Variants in DTD1 observed in about 807,000 individuals in gnomAD.
The protein encoded by DTD1 is D-aminoacyl-tRNA deacylase 1.
Under a neutral mutation model 25.6 loss-of-function variants are expected in DTD1, and 13 were observed. That is an observed-to-expected ratio of 0.51 (90% confidence interval 0.33 to 0.81). The LOEUF is 0.81. Ranked by LOEUF, DTD1 falls within the 30% of genes least tolerant of loss-of-function variation. DTD1 has a pLI of 0.02. For missense variants in DTD1, 193 were observed against 266.4 expected (o/e 0.72, Z 1.92); for synonymous variants, 110 against 103.6 (o/e 1.06, Z -0.37).
At chr20:18,657,294 C>G (rs1455255313) in intron 4 of DTD1, among the ~76,000 whole-genome samples, 1 of 152,022 alleles carries the variant, frequency 6.6e-6, no homozygotes, top group Non-Finnish European at 1.5e-5. Context: ...TCATGCATTA[C>G]TATTTTTGCA....
At chr20:18,704,343 G>A (rs2061117559) in intron 4 of DTD1, among the ~76,000 whole-genome samples, 1 of 152,172 alleles carries the variant, frequency 6.6e-6, no homozygotes, top group South Asian at 2.1e-4. Flanking sequence ...TCTCCAGTGA[G>A]CCTCCTGAGC....
intron 1 of DTD1, chr20:18,588,698 C>T: frequency 2.0e-6 from 2 of 985,124 alleles, no homozygotes; most frequent in Non-Finnish European, 2.4e-6. Flanking sequence ...GGACGCCCCT[C>T]GCCCTCGCCC....
At chr20:18,647,084 A>G (rs1407211156) in intron 4 of DTD1, among the ~76,000 whole-genome samples, 2 of 152,260 alleles carry the variant, frequency 1.3e-5, no homozygotes, top group South Asian at 2.1e-4. Context: ...TCAAAGGCCA[A>G]GTATTTCAGA....
chr20:18,752,971 T>C (rs2061326201), intron 5 of DTD1, among the ~76,000 whole-genome samples: 1 of 152,144 alleles, frequency 6.6e-6, no homozygotes, highest in Non-Finnish European at 1.5e-5. Context: ...ACCTTATTTA[T>C]TAGAAAATAA....
At chr20:18,649,326 C>CTTTTTTTTTT (rs55766733) in intron 4 of DTD1, among the ~76,000 whole-genome samples, 1,070 of 57,654 alleles carry the variant, frequency 0.019, 282 homozygotes, top group East Asian at 0.047. Context: ...ATTCATCTTT[C>CTTTTTTTTTT]TTTTTTTTTT....
intron 3 of DTD1, 39 bp downstream of exon 3, chr20:18,596,280 A>G: frequency 1.3e-6 from 2 of 1,554,870 alleles, no homozygotes; most frequent in Non-Finnish European, 1.8e-6. Context: ...GGTCTTTGGG[A>G]CACTCCTGGA....
intron 3 of DTD1, among the ~76,000 whole-genome samples, chr20:18,610,094 G>A (rs1194502833): frequency 6.6e-6 from 1 of 152,268 alleles, no homozygotes; most frequent in East Asian, 1.9e-4. Flanking sequence ...TTGAAACATA[G>A]ATGAAAGTAA....
At chr20:18,735,015 G>A (rs1345037208) in intron 4 of DTD1, among the ~76,000 whole-genome samples, 1 of 152,206 alleles carries the variant, frequency 6.6e-6, no homozygotes, top group Non-Finnish European at 1.5e-5. Context: ...AGAATGCTGA[G>A]TAATCCACCT....
intron 4 of DTD1, chr20:18,678,697 C>T (rs1400397129): frequency 6.6e-6 from 1 of 152,182 alleles, no homozygotes; most frequent in Non-Finnish European, 1.5e-5. Context: ...CTTTTTGGTT[C>T]CGCATTTGTT....
chr20:18,647,584 G>C (rs1600342043), intron 4 of DTD1, among the ~76,000 whole-genome samples: 1 of 152,182 alleles, frequency 6.6e-6, no homozygotes, highest in African/African-American at 2.4e-5. Context: ...CGAGCATGGA[G>C]GCTTGAACCT....
chr20:18,762,412 C>T (rs2061366603), intron 5 of DTD1, among the ~76,000 whole-genome samples: 1 of 152,108 alleles, frequency 6.6e-6, no homozygotes, highest in African/African-American at 2.4e-5. Flanking sequence ...AAAAGGAAAC[C>T]CTGAGACACT....
intron 4 of DTD1, among the ~76,000 whole-genome samples, chr20:18,685,761 C>T (rs1337738129): frequency 1.3e-5 from 2 of 152,206 alleles, no homozygotes; most frequent in Admixed American, 1.3e-4. Context: ...TTTGATGTGA[C>T]ATCCCAAATG....
chr20:18,646,954 C>A (rs1318308641), intron 4 of DTD1, among the ~76,000 whole-genome samples: 3 of 152,182 alleles, frequency 2.0e-5, no homozygotes, highest in Non-Finnish European at 4.4e-5. Context: ...CCCTGACCTT[C>A]TGAGATGAAC....
intron 5 of DTD1, among the ~76,000 whole-genome samples, chr20:18,759,456 C>G (rs1196546564): frequency 6.6e-6 from 1 of 152,164 alleles, no homozygotes. Context: ...TCAGCATTTG[C>G]TTGTCTGTAA....
At chr20:18,726,730 C>T (rs1310517003) in intron 4 of DTD1, among the ~76,000 whole-genome samples, 1 of 152,182 alleles carries the variant, frequency 6.6e-6, no homozygotes, top group East Asian at 1.9e-4. Context: ...CTCTTCCTCC[C>T]CTTGCCCCCT....
At position 18,614,002 on chromosome 20, in the gene DTD1, C is replaced by A. The variant is rs190517743; in HGVS notation, c.371-14125C>A. Among the ~76,000 whole-genome samples, 71 of 152,290 alleles carry A rather than the reference C, an allele frequency of 4.7e-4. 1 individual carries two copies. Among genetic ancestry groups the A allele is most frequent in the Admixed American group, 1.9e-3 (29 of 15,302 alleles). Reference sequence around the variant, plus strand: ...AAGTGTAAAAGATTGGAGACAGTTTCGCCATGTTGCCCAGGCTGGTCTCAA... The same window carrying A: ...AAGTGTAAAAGATTGGAGACAGTTTAGCCATGTTGCCCAGGCTGGTCTCAA... On this transcript the variant is annotated intron_variant, in intron 3 of 5. Transcript: ENST00000377452.
At chr20:18,655,945 G>GT (rs565190433) in intron 4 of DTD1, among the ~76,000 whole-genome samples, 176 of 151,800 alleles carry the variant, frequency 1.2e-3, no homozygotes, top group Middle Eastern at 3.4e-3. Flanking sequence ...AATTTTTTAT[G>GT]TTTTTAGTAG....
At chr20:18,741,367 A>G (rs986834600) in intron 4 of DTD1, among the ~76,000 whole-genome samples, 1 of 152,226 alleles carries the variant, frequency 6.6e-6, no homozygotes, top group African/African-American at 2.4e-5. Context: ...GAAGCTATGT[A>G]CTGATTTACA....
intron 4 of DTD1, among the ~76,000 whole-genome samples, chr20:18,654,993 T>A (rs2060886711): frequency 6.6e-6 from 1 of 152,252 alleles, no homozygotes; most frequent in South Asian, 2.1e-4. Flanking sequence ...TAATAAATGC[T>A]TATGAATCAT....
Sources: allele counts gnomAD v4.1 joint callset (sites outside exome capture counted in the v4.1 genomes callset), GRCh38; gene constraint gnomAD v4.1.1; transcripts MANE v1.5; gene names NCBI Gene and HGNC (gene_info 2026-07-23, HGNC 2026-07-21).